Variants in ACBD6 observed in about 807,000 individuals in gnomAD.
The protein encoded by ACBD6 is acyl-CoA-binding domain-containing protein 6.
ACBD6 carries 28 observed loss-of-function variants against 37.2 expected under a neutral mutation model. That is an observed-to-expected ratio of 0.75 (90% confidence interval 0.56 to 1.03). ACBD6 has a LOEUF of 1.03. ACBD6 is among the 50% of genes least tolerant of loss of function. The pLI is 0.00. For synonymous variants in ACBD6, 113 were observed against 126.8 expected, an observed-to-expected ratio of 0.89 and a Z score of 0.73; for missense variants, 340 against 337.4, an observed-to-expected ratio of 1.01 and a Z score of -0.06.
intron 7 of ACBD6, among the ~76,000 whole-genome samples, chr1:180,304,328 C>A (rs1428971045): frequency 6.6e-6 from 1 of 150,806 alleles, no homozygotes; most frequent in Non-Finnish European, 1.5e-5. Flanking sequence ...TCCCTGTTTG[C>A]AGATGACATG....
chr1:180,320,471 A>G (rs545308986), intron 6 of ACBD6, among the ~76,000 whole-genome samples: 3 of 150,222 alleles, frequency 2.0e-5, no homozygotes, highest in South Asian at 2.1e-4. Context: ...CCCCATCTCT[A>G]TTAAAAAATA....
chr1:180,306,736 T>C lies in ACBD6; in HGVS notation c.694+7956A>G, dbSNP rs1650394827. Among the ~76,000 whole-genome samples the C allele has an allele frequency of 2.0e-5, 3 of 152,236 alleles. No individual in the cohort carries two copies. In the South Asian group the frequency reaches 6.2e-4, roughly 32 times the overall value. ...ATTTCTGAATCTGAAGGTCCCAATG[T>C]TTAAATCAATTCTAGGAATTATTAG... On this transcript the variant is annotated intron_variant, in intron 7 of 7. Transcript: ENST00000367595.
intron 3 of ACBD6, among the ~76,000 whole-genome samples, chr1:180,473,048 A>G (rs1364083835): frequency 6.6e-6 from 1 of 152,216 alleles, no homozygotes; most frequent in African/African-American, 2.4e-5. Flanking sequence ...GACTATAAAA[A>G]TTTGTATGTA....
At chr1:180,424,894 T>G (rs1648520915) in intron 4 of ACBD6, among the ~76,000 whole-genome samples, 1 of 152,068 alleles carries the variant, frequency 6.6e-6, no homozygotes, top group Non-Finnish European at 1.5e-5. Flanking sequence ...AGGAGGTAAA[T>G]GAAGCACGCT....
At chr1:180,358,224 C>T (rs1027892440) in intron 6 of ACBD6, among the ~76,000 whole-genome samples, 1 of 152,132 alleles carries the variant, frequency 6.6e-6, no homozygotes, top group African/African-American at 2.4e-5. Flanking sequence ...GTCAGGAGTT[C>T]AAGACCAGCC....
chr1:180,326,665 C>A (rs966538427), intron 6 of ACBD6: 36 of 152,198 alleles, frequency 2.4e-4, no homozygotes, highest in African/African-American at 8.7e-4. Flanking sequence ...CTGGGTCTCA[C>A]CTGAAGCCAG....
chr1:180,388,175 CAAAAA>C, intron 6 of ACBD6, among the ~76,000 whole-genome samples: 1 of 111,174 alleles, frequency 9.0e-6, no homozygotes, highest in Admixed American at 9.1e-5. Context: ...GACTCCGTCT[CAAAAA>C]AAAAAAAAAA....
At chr1:180,478,584 G>A (rs1650893435) in intron 3 of ACBD6, among the ~76,000 whole-genome samples, 1 of 151,740 alleles carries the variant, frequency 6.6e-6, no homozygotes, top group Non-Finnish European at 1.5e-5. Flanking sequence ...TGCCTCCCAG[G>A]TTCAAGCAAT....
chr1:180,482,445 G>A (rs1651089086), intron 3 of ACBD6, among the ~76,000 whole-genome samples: 1 of 151,554 alleles, frequency 6.6e-6, no homozygotes, highest in Non-Finnish European at 1.5e-5. Flanking sequence ...TCAGTGAGGT[G>A]AAGAGAAATG....
At chr1:180,377,873 G>C (rs1306694152) in intron 6 of ACBD6, among the ~76,000 whole-genome samples, 1 of 151,926 alleles carries the variant, frequency 6.6e-6, no homozygotes, top group Non-Finnish European at 1.5e-5. Flanking sequence ...CTTGAACCCG[G>C]GAGGCGGAGG....
intron 2 of ACBD6, 112 bp downstream of exon 2, chr1:180,495,349 C>A (rs1651690928): frequency 2.6e-6 from 2 of 760,830 alleles, no homozygotes; most frequent in Non-Finnish European, 4.2e-6. Context: ...CAATCTACAG[C>A]AGAGAGAGAG....
rs547492561 is a variant in ACBD6, at chr1:180,297,146, T to C, written c.695-8629A>G. 3.3e-5 allele frequency among the ~76,000 whole-genome samples: 5 copies of C among 152,272 alleles called. No homozygotes were observed. In the South Asian group the frequency reaches 1.0e-3, roughly 32 times the overall value. ...TAACGGTACTTAGGTAAAGATAAAG[T>C]AGTTTCTCTGGTTCCCTTGACCATC... On this transcript the variant is annotated intron_variant, in intron 7 of 7. Transcript: ENST00000367595.
At chr1:180,285,806 T>A (rs1649479084), downstream of ACBD6, among the ~76,000 whole-genome samples, 1 of 152,126 alleles carries the variant, frequency 6.6e-6, no homozygotes, top group Non-Finnish European at 1.5e-5. Flanking sequence ...TGGAAAATGC[T>A]GAAACATTAA....
intron 3 of ACBD6, among the ~76,000 whole-genome samples, chr1:180,454,375 C>G (rs971887057): frequency 6.6e-6 from 1 of 152,144 alleles, no homozygotes; most frequent in Admixed American, 6.6e-5. Flanking sequence ...AAAATTAACT[C>G]AAGACGGATT....
intron 6 of ACBD6, among the ~76,000 whole-genome samples, chr1:180,335,259 G>T (rs1651656277): frequency 6.6e-6 from 1 of 152,158 alleles, no homozygotes. Flanking sequence ...GGCGGCCAGA[G>T]AGAAAGGTCA....
At chr1:180,458,262 C>T (rs996109858) in intron 3 of ACBD6, among the ~76,000 whole-genome samples, 20 of 152,298 alleles carry the variant, frequency 1.3e-4, no homozygotes, top group Middle Eastern at 3.4e-3. Context: ...AAAAAGCACA[C>T]ATGCCATATT....
intron 6 of ACBD6, among the ~76,000 whole-genome samples, chr1:180,337,040 G>A (rs1651750639): frequency 6.6e-6 from 1 of 152,066 alleles, no homozygotes; most frequent in East Asian, 1.9e-4. Flanking sequence ...AAAAAGTCCA[G>A]GACCAGACAT....
At chr1:180,463,071 T>C (rs560055283) in intron 3 of ACBD6, among the ~76,000 whole-genome samples, 10 of 152,162 alleles carry the variant, frequency 6.6e-5, no homozygotes, top group Non-Finnish European at 1.2e-4. Flanking sequence ...AGGACACAGC[T>C]AAGGCAGTGT....
At chr1:180,271,785 G>C (rs753340896) in exon 14 of ACBD6, 1 of 1,603,182 alleles carries the variant, frequency 6.2e-7, no homozygotes, top group Non-Finnish European at 8.5e-7. Context: ...TGGGGGCTTT[G>C]GGTTTGTGGT....
Sources: allele counts gnomAD v4.1 joint callset (sites outside exome capture counted in the v4.1 genomes callset), GRCh38; gene constraint gnomAD v4.1.1; transcripts MANE v1.5; gene names NCBI Gene and HGNC (gene_info 2026-07-23, HGNC 2026-07-21).